The following PCDHGA9 variants were observed in gnomAD, a reference collection of about 807,000 sequenced individuals.
The protein encoded by PCDHGA9 is protocadherin gamma-A9.
Under a neutral mutation model 62.5 loss-of-function variants are expected in PCDHGA9, and 37 were observed. The observed-to-expected ratio is 0.59, with a 90% CI of 0.46 to 0.78. The LOEUF is 0.78. Ranked by LOEUF, PCDHGA9 falls within the 30% of genes least tolerant of loss-of-function variation. The pLI is 0.00. For synonymous variants in PCDHGA9, 459 were observed against 484.6 expected (o/e 0.95, Z 0.69); for missense variants, 1,138 against 1,166.2 (o/e 0.98, Z 0.35).
chr5:141,460,553 C>A (rs2098991893), intron 1 of PCDHGA9, among the ~76,000 whole-genome samples: 1 of 152,032 alleles, frequency 6.6e-6, no homozygotes. Context: ...AATCAAAAAT[C>A]ATTTGGCCAT....
Position 141,405,346 on chromosome 5 carries a change from G to T in PCDHGA9, c.2394G>T (p.Lys798Asn), listed in dbSNP as rs184640789. 60 of 1,614,108 alleles carry T rather than the reference G, an allele frequency of 3.7e-5. No individual in the cohort carries two copies. The East Asian group carries it at 1.3e-3, about 35-fold the overall frequency. The stretch of plus-strand genomic sequence containing the variant: ...CTTTGTGCGTCTCTGTTGATTCCAA[G>T]TTTCCTATAGAAGACACCCCTTTGG... ...NEPLCVSVDS[K>N]FPIEDTPLVP... is the part of the protein sequence containing the mutation. Residue 798 changes from lysine (K) to asparagine (N), a missense_variant, in exon 1 of 4, where the codon AAG becomes AAT. Lys to Asn is a moderately conservative substitution (Grantham distance 94). Transcript: ENST00000573521.
At chr5:141,451,365 G>A (rs557753113) in intron 1 of PCDHGA9, among the ~76,000 whole-genome samples, 2 of 152,234 alleles carry the variant, frequency 1.3e-5, no homozygotes, top group South Asian at 4.1e-4. Context: ...GGATGGATCC[G>A]CTTCTAATCT....
Position 141,432,124 on chromosome 5 carries a change from C to G in PCDHGA9, c.2424+26748C>G, listed in dbSNP as rs1286909667. On this transcript the variant is annotated intron_variant, in intron 1 of 3. Transcript: ENST00000573521. The surrounding 1 kb of genome is among the most constrained non-coding windows in gnomAD (Gnocchi z 6.0). ...ACAACCCGCCGGTCTTCCCTCAGGC[C>G]TCCTATTCCGCTTATATCCCAGAGA... 6.2e-7 allele frequency: 1 copy of G among 1,614,156 alleles called. No homozygotes were observed. The highest frequency in any genetic ancestry group is 1.1e-5 in the South Asian group (1 of 91,066).
intron 1 of PCDHGA9, among the ~76,000 whole-genome samples, chr5:141,455,315 T>G (rs1416163436): frequency 6.6e-6 from 1 of 152,152 alleles, no homozygotes; most frequent in Non-Finnish European, 1.5e-5. Context: ...TTAGCAATTT[T>G]GTGTGTGTGT....
chr5:141,452,929 G>A (rs2154564099), intron 1 of PCDHGA9, among the ~76,000 whole-genome samples: 1 of 152,310 alleles, frequency 6.6e-6, no homozygotes, highest in Admixed American at 6.5e-5. Flanking sequence ...AAGAGCTGCT[G>A]AAGATTTGCT....
rs1481151067 is a variant in PCDHGA9, at chr5:141,477,223, T to A, written c.2425-17584T>A. On this transcript the variant is annotated intron_variant, in intron 1 of 3. Transcript: ENST00000573521. This position sits in a 1 kb window ranked among gnomAD's most constrained non-coding sequence, Gnocchi z 4.9. ...TACCCGAGGATGCCCCTCTGGGGAC[T>A]GTCATCGCTTTGCTCAGTGTGACTG... The A allele has an allele frequency of 6.2e-7, 1 of 1,614,198 alleles. No individual in the cohort carries two copies. The highest frequency in any genetic ancestry group is 1.1e-5 in the South Asian group (1 of 91,084).
At chr5:141,408,969 C>G (rs1005367761) in intron 1 of PCDHGA9, 1 of 1,613,594 alleles carries the variant, frequency 6.2e-7, no homozygotes, top group African/African-American at 1.3e-5. Flanking sequence ...GAAAATCTGC[C>G]CCCTGGGTCC....
rs143317584 is a variant in PCDHGA9 at position 141,432,282 on chromosome 5, A to G, written c.2424+26906A>G. 5.0e-5 allele frequency: 81 copies of G among 1,613,850 alleles called. No homozygotes were observed. The African/African-American group carries it at 6.4e-4, about 13-fold the overall frequency. ...AGCCTATCGTCCTACGTGTCCATCAACTCCGACACTGGGGTACTGTATGCG... is the reference window on the plus strand; with the variant it reads ...AGCCTATCGTCCTACGTGTCCATCAGCTCCGACACTGGGGTACTGTATGCG... On this transcript the variant is annotated intron_variant, in intron 1 of 3. Transcript: ENST00000573521. This position sits in a 1 kb window ranked among gnomAD's most constrained non-coding sequence, Gnocchi z 6.0.
chr5:141,423,150 G>A, intron 1 of PCDHGA9: 1 of 1,613,538 alleles, frequency 6.2e-7, no homozygotes, highest in Non-Finnish European at 8.5e-7. Flanking sequence ...CGCTCAAGCA[G>A]AGCCTCGTGG....
In PCDHGA9 at chr5:141,485,186, G is replaced by T; in HGVS notation, c.2425-9621G>T. ...GCGGGCGGCAGCAATGCTCCGCAAG[G>T]TGAGAAGCTGGACAGAAATCTGGCG... On this transcript the variant is annotated intron_variant, in intron 1 of 3. Coordinates refer to ENST00000573521, the MANE Select transcript of PCDHGA9 (RefSeq NM_018921.3). This position sits in a 1 kb window ranked among gnomAD's most constrained non-coding sequence, Gnocchi z 5.7. 1 of 1,613,706 alleles carries T rather than the reference G, an allele frequency of 6.2e-7. No individual in the cohort carries two copies. The highest frequency in any genetic ancestry group is 8.5e-7 in the Non-Finnish European group (1 of 1,179,644).
rs966009387 is a variant in PCDHGA9, at chr5:141,511,564, G to A, written c.*391G>A. The A allele has an allele frequency of 3.0e-5, 9 of 295,900 alleles. No individual in the cohort carries two copies. The highest frequency in any genetic ancestry group is 4.6e-5 in the Non-Finnish European group (7 of 151,798). The allele number at this position is 295,900 out of a possible 1,614,324, so 18.3% of individuals were successfully genotyped here. A position where few individuals can be genotyped will look rare whatever the true frequency, so the allele number is the denominator to read the frequency against. ...CCCACTCCAACAGTTCCTCTTTCCC[G>A]AGTAAGGTGGTTGGGGTGTTGAAGT... On this transcript the variant is annotated 3_prime_UTR_variant, in exon 4 of 4. Transcript: ENST00000573521.
chr5:141,411,237 T>C (rs1472710660), intron 1 of PCDHGA9: 1 of 152,116 alleles, frequency 6.6e-6, no homozygotes, highest in Non-Finnish European at 1.5e-5. Flanking sequence ...GAAGACTTAG[T>C]GAATTTACGA....
At position 141,432,455 on chromosome 5, in the gene PCDHGA9, G is replaced by A; in HGVS notation, c.2424+27079G>A. The A allele has an allele frequency of 6.2e-7, 1 of 1,614,176 alleles. No individual in the cohort carries two copies. The highest frequency in any genetic ancestry group is 8.5e-7 in the Non-Finnish European group (1 of 1,180,042). On this transcript the variant is annotated intron_variant, in intron 1 of 3. Transcript: ENST00000573521. The surrounding 1 kb of genome is among the most constrained non-coding windows in gnomAD (Gnocchi z 6.0). ...CAATGCGCCCGAGATCCTGTACCCCGCCCTCCCCACGGACGGTTCCACTGG... is the reference window on the plus strand; with the variant it reads ...CAATGCGCCCGAGATCCTGTACCCCACCCTCCCCACGGACGGTTCCACTGG...
chr5:141,461,286 C>T (rs2099012487), intron 1 of PCDHGA9, among the ~76,000 whole-genome samples: 1 of 152,144 alleles, frequency 6.6e-6, no homozygotes, highest in Admixed American at 6.6e-5. Context: ...TTCCCCACAT[C>T]CACACCAACA....
At chr5:141,497,354 A>G (rs1430368474) in intron 2 of PCDHGA9, among the ~76,000 whole-genome samples, 1 of 152,054 alleles carries the variant, frequency 6.6e-6, no homozygotes, top group Non-Finnish European at 1.5e-5. Flanking sequence ...AGCCCCACCA[A>G]CTGCCTCTCA....
chr5:141,501,331 A>ACC (rs906542724), intron 2 of PCDHGA9, among the ~76,000 whole-genome samples: 1 of 138,846 alleles, frequency 7.2e-6, no homozygotes, highest in Non-Finnish European at 1.6e-5. Flanking sequence ...ACACACACAC[A>ACC]CACCCCAAAC....
At chr5:141,413,299 G>T in intron 1 of PCDHGA9, 1 of 1,613,966 alleles carries the variant, frequency 6.2e-7, no homozygotes, top group Non-Finnish European at 8.5e-7. Flanking sequence ...AATTCCTGAG[G>T]AATTAGAGAA....
chr5:141,498,009 C>A (rs1160103624), intron 2 of PCDHGA9, among the ~76,000 whole-genome samples: 1 of 152,146 alleles, frequency 6.6e-6, no homozygotes, highest in Non-Finnish European at 1.5e-5. Context: ...TTACAGTGCA[C>A]TGAAGGAGAC....
chr5:141,417,899 C>G lies in PCDHGA9; in HGVS notation c.2424+12523C>G, dbSNP rs781294504. On this transcript the variant is annotated intron_variant, in intron 1 of 3. Transcript: ENST00000573521. ...CGCGCAGAGGCGCCGGGCCGGCCCG[C>G]GGCAGGTACTATTTCCTTTGCTGCT... 2.0e-5 allele frequency: 31 copies of G among 1,581,354 alleles called. 2 individuals carry two copies. In the South Asian group the frequency reaches 3.4e-4, roughly 17 times the overall value.
Sources: gnomAD v4.1 joint callset for allele counts (sites outside exome capture counted in the v4.1 genomes callset) on GRCh38, gnomAD v4.1.1 for gene constraint, Gnocchi (gnomAD v3.1) non-coding constraint, MANE v1.5 for transcripts, NCBI Gene and HGNC (gene_info 2026-07-23, HGNC 2026-07-21) for gene names.